Variants in KIAA1217 observed in about 807,000 individuals in gnomAD.
KIAA1217 encodes sickle tail protein homolog.
In KIAA1217, 88 loss-of-function variants were observed where a neutral mutation model predicts 163.9. That is an observed-to-expected ratio of 0.54 (90% CI 0.45 to 0.64). KIAA1217 has a LOEUF of 0.64. Among genes scored for constraint, KIAA1217 ranks in the 30% least tolerant of loss-of-function variants. The pLI, the probability that KIAA1217 is intolerant of heterozygous loss-of-function variation, is 0.00. For synonymous variants in KIAA1217, 903 were observed against 923.1 expected (o/e 0.98, Z 0.39); for missense variants, 2,372 against 2,475.0 (o/e 0.96, Z 0.88).
intron 2 of KIAA1217, among the ~76,000 whole-genome samples, chr10:24,037,635 A>ACAGAT (rs1848451692): frequency 1.3e-5 from 2 of 152,212 alleles, no homozygotes; most frequent in Non-Finnish European, 1.5e-5. Flanking sequence ...ATCACAGGAG[A>ACAGAT]CAGATTGTCT....
intron 3 of KIAA1217, among the ~76,000 whole-genome samples, chr10:24,404,682 T>C (rs573915731): frequency 2.6e-5 from 4 of 151,902 alleles, no homozygotes; most frequent in South Asian, 4.2e-4. Context: ...CAGAAACTTG[T>C]ACATGAATAT....
intron 1 of KIAA1217, among the ~76,000 whole-genome samples, chr10:23,795,012 C>T (rs1014578172): frequency 1.6e-4 from 24 of 152,202 alleles, no homozygotes; most frequent in African/African-American, 5.3e-4. Flanking sequence ...TTCTTCCTCA[C>T]GGGACCCTCA....
chr10:23,724,889 A>T (rs1838052322), intron 1 of KIAA1217, among the ~76,000 whole-genome samples: 1 of 152,166 alleles, frequency 6.6e-6, no homozygotes, highest in Admixed American at 6.6e-5. Context: ...CCTTCATATT[A>T]TCCCATTTGC....
intron 10 of KIAA1217, among the ~76,000 whole-genome samples, chr10:24,518,641 A>G (rs1488126015): frequency 6.6e-6 from 1 of 152,184 alleles, no homozygotes; most frequent in African/African-American, 2.4e-5. Context: ...AATACAGGGA[A>G]GTCATTCTGT....
intron 2 of KIAA1217, among the ~76,000 whole-genome samples, chr10:24,131,130 A>C (rs987688392): frequency 2.6e-5 from 4 of 152,198 alleles, no homozygotes; most frequent in Admixed American, 6.5e-5. Context: ...CTTCTATTTT[A>C]TTAAAAATAG....
Position 23,838,937 on chromosome 10 carries a change from A to G in KIAA1217, c.-321+143703A>G, listed in dbSNP as rs150984063. Among the ~76,000 whole-genome samples the G allele has an allele frequency of 4.5e-3, 680 of 152,268 alleles. 7 individuals are homozygous for G. The highest frequency in any genetic ancestry group is 0.015 in the African/African-American group (617 of 41,558). ...TGTTCTTGCACCTGCAGGGCTACCA[A>G]TTATACATAAATACAGGATTTTTTC... On this transcript the variant is annotated intron_variant, in intron 1 of 18. Transcript: ENST00000376462.
At chr10:23,749,420 C>CT (rs1216638132) in intron 1 of KIAA1217, among the ~76,000 whole-genome samples, 58 of 148,572 alleles carry the variant, frequency 3.9e-4, no homozygotes, top group Middle Eastern at 3.5e-3. Flanking sequence ...TAGTCTTTTG[C>CT]TTTTTTTTTT....
At chr10:24,112,587 T>A (rs1048457879) in intron 2 of KIAA1217, among the ~76,000 whole-genome samples, 4 of 152,022 alleles carry the variant, frequency 2.6e-5, no homozygotes, top group African/African-American at 9.7e-5. Context: ...TTTTTTATTT[T>A]ATTTTATTTT....
At chr10:23,726,645 A>G (rs1450813797) in intron 1 of KIAA1217, among the ~76,000 whole-genome samples, 9 of 152,170 alleles carry the variant, frequency 5.9e-5, no homozygotes, top group Non-Finnish European at 2.9e-5. Context: ...AATTTTTGCA[A>G]TCTACTCATC....
At chr10:23,927,691 T>A (rs578180578) in intron 1 of KIAA1217, among the ~76,000 whole-genome samples, 1 of 152,278 alleles carries the variant, frequency 6.6e-6, no homozygotes, top group East Asian at 1.9e-4. Context: ...GAATAAATGC[T>A]TCTGAATGTT....
intron 2 of KIAA1217, among the ~76,000 whole-genome samples, chr10:24,294,365 C>T (rs960977337): frequency 1.3e-5 from 2 of 152,004 alleles, no homozygotes; most frequent in Non-Finnish European, 2.9e-5. Context: ...GATTGCCTAC[C>T]CAGACATCTA....
chr10:24,014,580 T>C (rs1847389689), intron 2 of KIAA1217, among the ~76,000 whole-genome samples: 1 of 152,168 alleles, frequency 6.6e-6, no homozygotes, highest in Non-Finnish European at 1.5e-5. Context: ...CATAATGCCA[T>C]GTGGACATGA....
chr10:23,846,527 CTGTT>C (rs1334279685), intron 1 of KIAA1217, among the ~76,000 whole-genome samples: 8 of 152,004 alleles, frequency 5.3e-5, no homozygotes, highest in Admixed American at 1.3e-4. Context: ...ATTTGGCTCT[CTGTT>C]TGTCTGTTCT....
chr10:23,829,840 A>G (rs970192671), intron 1 of KIAA1217, among the ~76,000 whole-genome samples: 1 of 152,212 alleles, frequency 6.6e-6, no homozygotes, highest in Admixed American at 6.5e-5. Context: ...TAGTGAAGAT[A>G]TGAATGCACA....
chr10:24,271,901 G>C (rs1020532304), intron 2 of KIAA1217, among the ~76,000 whole-genome samples: 2 of 152,018 alleles, frequency 1.3e-5, no homozygotes, highest in Non-Finnish European at 2.9e-5. Context: ...GTATGACCTA[G>C]CCTTATACAA....
chr10:24,037,967 A>G (rs1325576204), intron 2 of KIAA1217, among the ~76,000 whole-genome samples: 3 of 152,292 alleles, frequency 2.0e-5, no homozygotes, highest in East Asian at 1.9e-4. Context: ...TAGTGTATGT[A>G]TTTTGCAAGC....
At chr10:24,056,429 C>T (rs1164321412) in intron 2 of KIAA1217, among the ~76,000 whole-genome samples, 4 of 151,976 alleles carry the variant, frequency 2.6e-5, no homozygotes, top group Non-Finnish European at 5.9e-5. Context: ...AAACTCTTGG[C>T]TCACCCTCGA....
chr10:23,981,266 G>A (rs1001097476), intron 1 of KIAA1217, among the ~76,000 whole-genome samples: 5 of 152,098 alleles, frequency 3.3e-5, no homozygotes, highest in Non-Finnish European at 7.4e-5. Context: ...TAATACTTTA[G>A]ATAAATCTTC....
chr10:24,031,397 C>A (rs1379309944), intron 2 of KIAA1217, among the ~76,000 whole-genome samples: 1 of 152,100 alleles, frequency 6.6e-6, no homozygotes, highest in Non-Finnish European at 1.5e-5. Flanking sequence ...ACCTCCCAGG[C>A]TAAAGTGATC....
Sources: allele counts gnomAD v4.1 joint callset (sites outside exome capture counted in the v4.1 genomes callset), GRCh38; gene constraint gnomAD v4.1.1; transcripts MANE v1.5; gene names NCBI Gene and HGNC (gene_info 2026-07-23, HGNC 2026-07-21).